Variants in VPS8 observed in about 807,000 individuals in gnomAD.
The protein encoded by VPS8 is VPS8 subunit of CORVET complex, also known as vacuolar protein sorting-associated protein 8 homolog.
In VPS8, 129 loss-of-function variants were observed where a neutral mutation model predicts 216.4. That is an observed-to-expected ratio of 0.60 (90% CI 0.52 to 0.69). The LOEUF is 0.69. VPS8 is among the 30% of genes least tolerant of loss of function. The pLI, the probability that VPS8 is intolerant of heterozygous loss-of-function variation, is 0.00. For missense variants in VPS8, 1,531 were observed against 1,683.5 expected (o/e 0.91, Z 1.59); for synonymous variants, 571 against 565.4 (o/e 1.01, Z -0.14).
At chr3:184,864,975 A>T (rs921087096) in intron 16 of VPS8, among the ~76,000 whole-genome samples, 1 of 152,214 alleles carries the variant, frequency 6.6e-6, no homozygotes, top group African/African-American at 2.4e-5. Flanking sequence ...GAGACATGGA[A>T]GATATTTGAA....
chr3:184,913,553 A>T lies in VPS8; in HGVS notation c.2181A>T (p.Val727=), dbSNP rs750578231. 1.9e-6 allele frequency: 3 copies of T among 1,580,418 alleles called. No homozygotes were observed. The highest frequency in any genetic ancestry group is 1.2e-5 in the South Asian group (1 of 84,962). Residue 727 remains valine (V), a synonymous_variant, in exon 26 of 48, where the codon GTA becomes GTT. Transcript: ENST00000625842. ...EQVVMGNKLL[V]YISCCLAGRA... ...TTGTTATGGGCAATAAGCTCCTTGT[A>T]TATATTAGGTAAGATTGTTTTATTT...
chr3:185,016,269 A>T (rs1418395448), intron 45 of VPS8, among the ~76,000 whole-genome samples: 11 of 152,230 alleles, frequency 7.2e-5, no homozygotes, highest in African/African-American at 2.7e-4. Context: ...ATTAAGGAAT[A>T]GTAGTCTGAA....
intron 37 of VPS8, among the ~76,000 whole-genome samples, chr3:184,963,293 T>C (rs1425770088): frequency 1.2e-4 from 19 of 152,132 alleles, no homozygotes; most frequent in Admixed American, 1.0e-3. Context: ...GACATCTCTG[T>C]AGTGTTGATT....
intron 18 of VPS8, 75 bp from the exon 19 acceptor site, chr3:184,868,871 T>G: frequency 7.4e-7 from 1 of 1,345,800 alleles, no homozygotes. Context: ...CTGGAAGGAT[T>G]TTAGGTGGAA....
intron 46 of VPS8, among the ~76,000 whole-genome samples, chr3:185,029,044 A>G (rs1376506035): frequency 6.6e-6 from 1 of 152,240 alleles, no homozygotes; most frequent in African/African-American, 2.4e-5. Flanking sequence ...AGGCATGGTC[A>G]GTTCCTTATT....
At chr3:184,929,474 GC>G in intron 32 of VPS8, 105 bp from the exon 33 acceptor site, 1 of 675,670 alleles carries the variant, frequency 1.5e-6, no homozygotes, top group Non-Finnish European at 2.6e-6. Context: ...ATAAGCATGA[GC>G]CAGGACACCT....
intron 45 of VPS8, among the ~76,000 whole-genome samples, chr3:185,023,665 T>A (rs1756959783): frequency 6.6e-6 from 1 of 151,860 alleles, no homozygotes; most frequent in Non-Finnish European, 1.5e-5. Flanking sequence ...TCTCAAAAAA[T>A]AAATAAATAA....
chr3:184,878,685 A>C (rs1403399196), intron 21 of VPS8, among the ~76,000 whole-genome samples: 1 of 152,168 alleles, frequency 6.6e-6, no homozygotes, highest in African/African-American at 2.4e-5. Context: ...CCTATCCCTG[A>C]GGCTTGATTA....
At chr3:184,954,925 A>C (rs1158579001) in intron 36 of VPS8, among the ~76,000 whole-genome samples, 1 of 152,248 alleles carries the variant, frequency 6.6e-6, no homozygotes, top group Non-Finnish European at 1.5e-5. Flanking sequence ...CTTTACTAAT[A>C]TAACCTAGGA....
chr3:185,013,275 GC>G (rs1755308031), intron 45 of VPS8, among the ~76,000 whole-genome samples: 1 of 152,184 alleles, frequency 6.6e-6, no homozygotes. Context: ...GATTTGGGGG[GC>G]CTCTTCCCAA....
chr3:184,985,841 A>G (rs1323105084), intron 42 of VPS8, among the ~76,000 whole-genome samples: 1 of 152,180 alleles, frequency 6.6e-6, no homozygotes, highest in East Asian at 1.9e-4. Context: ...TAATCTGTAG[A>G]GAGAAGGAGA....
chr3:184,985,181 A>G (rs568602079), intron 42 of VPS8, among the ~76,000 whole-genome samples: 16 of 152,286 alleles, frequency 1.1e-4, no homozygotes, highest in Non-Finnish European at 1.6e-4. Flanking sequence ...GCCCACAACA[A>G]TCCCTTGAGG....
rs565739300 is a variant in VPS8 at position 184,859,417 on chromosome 3, T to C, written c.1144-568T>C. ...CTCTTTGGGGCTCTTTTCAAACTGA[T>C]GTCTTATCCTTTTTAATGCCTCAAA... is the stretch of plus-strand genomic sequence containing the variant. On this transcript the variant is annotated intron_variant, in intron 14 of 47. Coordinates refer to ENST00000625842, the MANE Select transcript of VPS8 (RefSeq NM_001009921.3). Among the ~76,000 whole-genome samples, 199 of 152,356 alleles carry C rather than the reference T, an allele frequency of 1.3e-3. 3 individuals carry two copies. The highest frequency in any genetic ancestry group is 0.013 in the Admixed American group (194 of 15,300).
chr3:185,028,042 G>A (rs1757631682), intron 46 of VPS8, among the ~76,000 whole-genome samples: 1 of 151,988 alleles, frequency 6.6e-6, no homozygotes, highest in African/African-American at 2.4e-5. Context: ...CCATTTTTTA[G>A]CTAATGAGGC....
At chr3:184,980,867 G>A (rs552808133) in intron 40 of VPS8, among the ~76,000 whole-genome samples, 2 of 152,244 alleles carry the variant, frequency 1.3e-5, no homozygotes, top group South Asian at 2.1e-4. Context: ...GGAACTAGTG[G>A]GGTTGTTTGC....
chr3:184,936,895 G>A (rs1245776193), intron 35 of VPS8, among the ~76,000 whole-genome samples: 3 of 152,038 alleles, frequency 2.0e-5, no homozygotes, highest in African/African-American at 7.2e-5. Context: ...CTGCCACCAT[G>A]CCTGGCTAAT....
intron 15 of VPS8, among the ~76,000 whole-genome samples, chr3:184,860,570 C>G (rs1726163204): frequency 6.6e-6 from 1 of 151,920 alleles, no homozygotes; most frequent in Admixed American, 6.6e-5. Flanking sequence ...TATTGCCTTT[C>G]AGTCTATGTC....
At chr3:185,024,819 A>G (rs1428179674) in intron 46 of VPS8, among the ~76,000 whole-genome samples, 1 of 152,194 alleles carries the variant, frequency 6.6e-6, no homozygotes. Flanking sequence ...CCTGGCCAAC[A>G]TGATGAAACC....
At chr3:184,983,300 TA>T (rs1320837731) in intron 42 of VPS8, among the ~76,000 whole-genome samples, 1 of 152,222 alleles carries the variant, frequency 6.6e-6, no homozygotes, top group Non-Finnish European at 1.5e-5. Flanking sequence ...TTGCCTGACA[TA>T]AGCTTGTGAC....
Sources: allele counts gnomAD v4.1 joint callset (sites outside exome capture counted in the v4.1 genomes callset), GRCh38; gene constraint gnomAD v4.1.1; transcripts MANE v1.5; gene names NCBI Gene and HGNC (gene_info 2026-07-23, HGNC 2026-07-21).